The following GRIK4 variants were observed in gnomAD, a reference collection of about 807,000 sequenced individuals.
GRIK4 encodes the protein glutamate receptor ionotropic, kainate 4.
A neutral mutation model predicts 104.9 loss-of-function variants in GRIK4; 40 were observed. The ratio of observed to expected loss-of-function variants is 0.38; its 90% confidence interval spans 0.30 to 0.50. GRIK4 has a LOEUF of 0.50. GRIK4 is among the 20% of genes least tolerant of loss of function. The pLI, the probability that GRIK4 is intolerant of heterozygous loss-of-function variation, is 0.93. For synonymous variants in GRIK4, 485 were observed against 524.9 expected (o/e 0.92, Z 1.04); for missense variants, 1,047 against 1,308.1 (o/e 0.80, Z 3.08).
intron 3 of GRIK4, among the ~76,000 whole-genome samples, chr11:120,689,276 G>A (rs557460415): frequency 6.6e-6 from 1 of 152,082 alleles, no homozygotes; most frequent in South Asian, 2.1e-4. Flanking sequence ...CCTGGCAAGA[G>A]CCTCCTACCT....
intron 3 of GRIK4, among the ~76,000 whole-genome samples, chr11:120,728,474 A>G (rs1269808241): frequency 6.6e-6 from 1 of 152,234 alleles, no homozygotes; most frequent in African/African-American, 2.4e-5. Flanking sequence ...CATAAAACCA[A>G]TGATGAGCAT....
intron 3 of GRIK4, among the ~76,000 whole-genome samples, chr11:120,757,127 G>A (rs1226819937): frequency 6.6e-6 from 1 of 152,212 alleles, no homozygotes. Flanking sequence ...TGGCCTGAGA[G>A]GTTTTGGAGG....
intron 7 of GRIK4, 99 bp downstream of exon 7, chr11:120,832,129 C>G: frequency 4.0e-6 from 3 of 758,902 alleles, no homozygotes; most frequent in East Asian, 2.6e-5. Flanking sequence ...GAGCCCCGGG[C>G]TGGACCTGAA....
intron 3 of GRIK4, among the ~76,000 whole-genome samples, chr11:120,764,380 G>C (rs1169860208): frequency 6.6e-6 from 1 of 152,094 alleles, no homozygotes; most frequent in Non-Finnish European, 1.5e-5. Flanking sequence ...ACACCGATGG[G>C]TCTTGACTCT....
chr11:120,518,830 G>A (rs891788373), intron 1 of GRIK4, among the ~76,000 whole-genome samples: 20 of 152,062 alleles, frequency 1.3e-4, no homozygotes, highest in Non-Finnish European at 2.2e-4. Context: ...CATGGACCAG[G>A]CTGGTCTCAA....
intron 3 of GRIK4, among the ~76,000 whole-genome samples, chr11:120,784,681 A>G (rs1023289399): frequency 6.6e-6 from 1 of 152,042 alleles, no homozygotes; most frequent in African/African-American, 2.4e-5. Flanking sequence ...GACAGCATGG[A>G]GTGATGTTTG....
At chr11:120,695,666 T>G (rs61902686) in intron 3 of GRIK4, among the ~76,000 whole-genome samples, 1 of 152,252 alleles carries the variant, frequency 6.6e-6, no homozygotes, top group South Asian at 2.1e-4. Context: ...GCCTTGTTAG[T>G]GAGGCTGAGG....
intron 3 of GRIK4, among the ~76,000 whole-genome samples, chr11:120,781,862 G>A (rs776989872): frequency 4.6e-5 from 7 of 152,174 alleles, no homozygotes; most frequent in Non-Finnish European, 8.8e-5. Context: ...TTGAGGCCAT[G>A]TGACAACCTG....
At chr11:120,897,235 T>C (rs1942604938) in intron 11 of GRIK4, among the ~76,000 whole-genome samples, 1 of 152,150 alleles carries the variant, frequency 6.6e-6, no homozygotes, top group Admixed American at 6.5e-5. Flanking sequence ...TTAGGTAACT[T>C]ACCAGAATGA....
At chr11:120,977,822 C>T (rs746116460) in intron 19 of GRIK4, among the ~76,000 whole-genome samples, 69 of 152,276 alleles carry the variant, frequency 4.5e-4, no homozygotes, top group Admixed American at 9.8e-4. Context: ...CAGTGCAGGC[C>T]ACATGCCTGT....
intron 3 of GRIK4, among the ~76,000 whole-genome samples, chr11:120,791,220 G>C (rs1358204224): frequency 1.3e-5 from 2 of 152,166 alleles, no homozygotes; most frequent in Non-Finnish European, 2.9e-5. Flanking sequence ...GAGGGAAGAG[G>C]TTGGGGCATA....
chr11:120,686,469 G>A (rs1430553881), intron 3 of GRIK4, among the ~76,000 whole-genome samples: 1 of 152,134 alleles, frequency 6.6e-6, no homozygotes, highest in African/African-American at 2.4e-5. Context: ...TTCCTTTTAG[G>A]CCAGGCTCAT....
chr11:120,901,259 G>A (rs192053787), intron 12 of GRIK4, among the ~76,000 whole-genome samples: 79 of 151,992 alleles, frequency 5.2e-4, no homozygotes, highest in Non-Finnish European at 6.2e-4. Flanking sequence ...AGCCCACCTC[G>A]CCTTCTCCTC....
intron 9 of GRIK4, chr11:120,871,574 A>G: frequency 2.2e-6 from 1 of 456,310 alleles, no homozygotes; most frequent in South Asian, 1.5e-5. Flanking sequence ...TTTGTTGCTT[A>G]GTCTTCGGGT....
intron 1 of GRIK4, among the ~76,000 whole-genome samples, chr11:120,613,502 G>A (rs1269710305): frequency 6.6e-6 from 1 of 152,232 alleles, no homozygotes; most frequent in East Asian, 1.9e-4. Flanking sequence ...AAGGCAAATA[G>A]CACTGGGGGG....
At chr11:120,667,293 G>T (rs1180445105) in intron 3 of GRIK4, among the ~76,000 whole-genome samples, 2 of 152,244 alleles carry the variant, frequency 1.3e-5, no homozygotes, top group African/African-American at 4.8e-5. Flanking sequence ...CTTTGGATAA[G>T]CCAGGTAGGA....
At position 120,905,518 on chromosome 11, in the gene GRIK4, GCCT is replaced by G; in HGVS notation, c.1476+26_1476+28del. 1 of 658,892 alleles carries G rather than the reference GCCT, an allele frequency of 1.5e-6. No individual in the cohort carries two copies. The highest frequency in any genetic ancestry group is 2.7e-6 in the Non-Finnish European group (1 of 376,830). 40.8% of individuals were successfully genotyped at this position (658,892 alleles called of 1,614,324 possible). On this transcript the variant is annotated intron_variant, in intron 13 of 20. Transcript: ENST00000527524. The surrounding 1 kb of genome is among the most constrained non-coding windows in gnomAD (Gnocchi z 5.1). Reference sequence around the variant, plus strand: ...GGTAAGGAGAGGACAAGTGATCTGGGCCTGAGGGTGGGCTGGGAGGGATTGGAA... The same window carrying G: ...GGTAAGGAGAGGACAAGTGATCTGGGGAGGGTGGGCTGGGAGGGATTGGAA...
At position 120,843,178 on chromosome 11, in the gene GRIK4, A is replaced by G. The variant is rs374610528; in HGVS notation, c.744+6334A>G. On this transcript the variant is annotated intron_variant, in intron 8 of 20. Transcript: ENST00000527524. ...GTGGTCTGCTGACCACTGAGCTGCT[A>G]CGGCATTGCAGGTGGTGTGACTAGC... 2.4e-4 allele frequency among the ~76,000 whole-genome samples: 36 copies of G among 152,390 alleles called. No homozygotes were observed. The East Asian group carries it at 6.0e-3, about 25-fold the overall frequency.
chr11:120,955,910 G>T (rs1944135901), intron 15 of GRIK4, among the ~76,000 whole-genome samples: 1 of 151,884 alleles, frequency 6.6e-6, no homozygotes, highest in African/African-American at 2.4e-5. Context: ...TATGGACACT[G>T]GCCCGGTGGC....
Sources: gnomAD v4.1 joint callset for allele counts (sites outside exome capture counted in the v4.1 genomes callset) on GRCh38, gnomAD v4.1.1 for gene constraint, Gnocchi (gnomAD v3.1) non-coding constraint, MANE v1.5 for transcripts, NCBI Gene and HGNC (gene_info 2026-07-23, HGNC 2026-07-21) for gene names.